Variants in PEPD observed in about 807,000 individuals in gnomAD.
The protein encoded by PEPD is xaa-Pro dipeptidase.
Under a neutral mutation model 60.7 loss-of-function variants are expected in PEPD, and 53 were observed. The ratio of observed to expected loss-of-function variants is 0.87; its 90% confidence interval spans 0.70 to 1.10. PEPD has a LOEUF of 1.10. Among genes scored for constraint, PEPD ranks in the 50% least tolerant of loss-of-function variants. The pLI is 0.00. For missense variants in PEPD, 711 were observed against 711.9 expected (o/e 1.00, Z 0.01); for synonymous variants, 267 against 284.1 (o/e 0.94, Z 0.60).
intron 9 of PEPD, among the ~76,000 whole-genome samples, chr19:33,440,071 C>G (rs781484272): frequency 1.3e-5 from 2 of 152,138 alleles, no homozygotes; most frequent in East Asian, 3.9e-4. Context: ...TCTAAACCTT[C>G]TAAATGACAA....
At chr19:33,467,641 A>G (rs948426422) in intron 7 of PEPD, among the ~76,000 whole-genome samples, 1 of 152,146 alleles carries the variant, frequency 6.6e-6, no homozygotes, top group African/African-American at 2.4e-5. Context: ...AGCAATAAAC[A>G]TATGATGAAA....
chr19:33,484,099 C>A lies in PEPD; in HGVS notation c.503+5897G>T, dbSNP rs984723150. On this transcript the variant is annotated intron_variant, in intron 6 of 14. Coordinates refer to ENST00000244137, the MANE Select transcript of PEPD (RefSeq NM_000285.4). ...TCCAGATGTCTGAAGCTTTCAGGAT[C>A]CTTAACTATACAAACAGAACTATAT... Among the ~76,000 whole-genome samples, 17 of 152,124 alleles carry A rather than the reference C, an allele frequency of 1.1e-4. 1 individual carries two copies. Among genetic ancestry groups the A allele is most frequent in the Admixed American group, 1.0e-3 (16 of 15,280 alleles).
At chr19:33,515,148 A>C (rs1971002185) in intron 1 of PEPD, among the ~76,000 whole-genome samples, 1 of 152,284 alleles carries the variant, frequency 6.6e-6, no homozygotes, top group South Asian at 2.1e-4. Context: ...CCTGACACAC[A>C]GCAAACGCTC....
intron 6 of PEPD, among the ~76,000 whole-genome samples, chr19:33,481,306 C>T (rs890888740): frequency 3.3e-5 from 5 of 152,186 alleles, no homozygotes; most frequent in Non-Finnish European, 7.4e-5. Context: ...GTGGCTCATG[C>T]CTGCAGTCCC....
At chr19:33,416,070 T>C (rs1403752576) in intron 9 of PEPD, among the ~76,000 whole-genome samples, 1 of 152,216 alleles carries the variant, frequency 6.6e-6, no homozygotes. Flanking sequence ...TGGAAGCGTG[T>C]GAGCCCGGCG....
intron 12 of PEPD, among the ~76,000 whole-genome samples, chr19:33,395,805 G>C (rs1968346168): frequency 6.6e-6 from 1 of 152,244 alleles, no homozygotes; most frequent in Non-Finnish European, 1.5e-5. Flanking sequence ...GGGATGGATG[G>C]GTGTGAGCCA....
chr19:33,388,473 A>C (rs538760058), intron 13 of PEPD: 1 of 371,836 alleles, frequency 2.7e-6, no homozygotes, highest in South Asian at 2.7e-5. Context: ...AAAGCTCTTA[A>C]GGCGGCTGTG....
chr19:33,393,388 AC>A (rs983504313), intron 12 of PEPD, among the ~76,000 whole-genome samples: 39 of 151,768 alleles, frequency 2.6e-4, no homozygotes, highest in African/African-American at 9.2e-4. Context: ...GGGCACACAC[AC>A]CCCTGGCTGG....
chr19:33,511,944 A>C (rs1456429751), intron 2 of PEPD, among the ~76,000 whole-genome samples: 2 of 152,178 alleles, frequency 1.3e-5, no homozygotes, highest in African/African-American at 4.8e-5. Context: ...GTCTCAGCCC[A>C]TCTGTGGCCT....
At position 33,387,533 on chromosome 19, in the gene PEPD, G is replaced by A. The variant is rs1392123765; in HGVS notation, c.1345-52C>T. ...ATCATAGAGCAGCCTCATGTGCCAG[G>A]CTAGAGGGCCGGGCCCATTCCAGGC... On this transcript the variant is annotated intron_variant, in intron 14 of 14. Transcript: ENST00000244137. The A allele has an allele frequency of 2.5e-6, 4 of 1,608,840 alleles. No homozygotes were observed. The Admixed American group carries it at 6.7e-5, about 27-fold the overall frequency.
intron 9 of PEPD, among the ~76,000 whole-genome samples, chr19:33,421,961 C>T (rs1270466039): frequency 6.6e-6 from 1 of 152,034 alleles, no homozygotes; most frequent in Non-Finnish European, 1.5e-5. Context: ...CCTGCTTCAG[C>T]CCTTGTCCCC....
chr19:33,498,464 C>T (rs568211934), intron 4 of PEPD, among the ~76,000 whole-genome samples: 6 of 152,274 alleles, frequency 3.9e-5, no homozygotes, highest in South Asian at 2.1e-4. Context: ...ACAGTAGACA[C>T]GGAGCTGAAT....
intron 7 of PEPD, among the ~76,000 whole-genome samples, chr19:33,474,166 G>A (rs963931750): frequency 5.3e-5 from 8 of 152,194 alleles, no homozygotes; most frequent in African/African-American, 1.4e-4. Context: ...GTGCTGGACC[G>A]TACGTTCAGT....
intron 11 of PEPD, among the ~76,000 whole-genome samples, chr19:33,410,412 C>G (rs1322597227): frequency 6.6e-6 from 1 of 152,206 alleles, no homozygotes; most frequent in Non-Finnish European, 1.5e-5. Context: ...CAGCTCAACG[C>G]TCGGCAGCTC....
intron 9 of PEPD, among the ~76,000 whole-genome samples, chr19:33,446,403 A>T (rs1475925895): frequency 6.6e-6 from 1 of 152,238 alleles, no homozygotes; most frequent in Non-Finnish European, 1.5e-5. Flanking sequence ...CACTGGCTGC[A>T]TCCTCACCGG....
chr19:33,428,431 A>G (rs1206907317), intron 9 of PEPD, among the ~76,000 whole-genome samples: 3 of 152,110 alleles, frequency 2.0e-5, no homozygotes, highest in African/African-American at 4.8e-5. Context: ...CCAGTCTTTA[A>G]CAGGTCCCCT....
chr19:33,437,327 G>A (rs1047059496), intron 9 of PEPD, among the ~76,000 whole-genome samples: 2 of 152,012 alleles, frequency 1.3e-5, no homozygotes, highest in Non-Finnish European at 2.9e-5. Context: ...TTGTCTCGAA[G>A]TTCAACTACT....
chr19:33,393,237 CTGGG>C (rs1329106307), intron 12 of PEPD, among the ~76,000 whole-genome samples: 7 of 34,154 alleles, frequency 2.0e-4, no homozygotes, highest in African/African-American at 1.0e-3. Flanking sequence ...GTCCCGGGGT[CTGGG>C]GTCTGGGGTC....
intron 11 of PEPD, among the ~76,000 whole-genome samples, chr19:33,409,351 C>G (rs8103728): frequency 0.7 from 106,057 of 152,116 alleles, 37,957 homozygotes; most frequent in African/African-American, 0.85. Flanking sequence ...AGCCAGAATG[C>G]GCTACAGGGT....
Sources: gnomAD v4.1 joint callset for allele counts (sites outside exome capture counted in the v4.1 genomes callset) on GRCh38, gnomAD v4.1.1 for gene constraint, MANE v1.5 for transcripts, NCBI Gene and HGNC (gene_info 2026-07-23, HGNC 2026-07-21) for gene names.